Variants in SPAG11A observed in about 807,000 individuals in gnomAD.
SPAG11A encodes the protein sperm-associated antigen 11A.
A neutral mutation model predicts 5.5 loss-of-function variants in SPAG11A; 2 were observed. That is an observed-to-expected ratio of 0.37 (90% confidence interval 0.15 to 1.15). The LOEUF (loss-of-function observed/expected upper bound fraction) is 1.15. Ranked by LOEUF, SPAG11A falls within the 50% of genes most tolerant of loss-of-function variation. The pLI, the probability that SPAG11A is intolerant of heterozygous loss-of-function variation, is 0.38. For synonymous variants in SPAG11A, 11 were observed against 42.7 expected (o/e 0.26, Z 2.90); for missense variants, 24 against 122.5 (o/e 0.20, Z 3.80).
At chr8:7,860,387 G>T (rs749654836) in intron 2 of SPAG11A, 1 of 1,429,798 alleles carries the variant, frequency 7.0e-7, no homozygotes, top group South Asian at 1.4e-5. Context: ...CCTCATTTAA[G>T]ATCTGCGTGG....
chr8:7,860,915 A>G (rs1275378314), exon 3 of SPAG11A: 20 of 1,007,172 alleles, frequency 2.0e-5, no homozygotes, highest in Non-Finnish European at 2.6e-5. Flanking sequence ...GTGTTCAATA[A>G]ATATTTGTTG....
rs184678231 is a variant in SPAG11A at position 7,860,282 on chromosome 8, G to A, written c.215-364G>A. The A allele has an allele frequency of 9.6e-5, 131 of 1,371,728 alleles. 1 individual carries two copies. The highest frequency in any genetic ancestry group is 3.3e-5 in the Non-Finnish European group (34 of 1,019,336). 85.0% of individuals were successfully genotyped at this position (1,371,728 alleles called of 1,614,324 possible). A position where few individuals can be genotyped will look rare whatever the true frequency, so the allele number is the denominator to read the frequency against. ...TGGGTTAATACCTCTAATTTCCTTA[G>A]AGACCAAGACCTGTCCTATTCTGGA... On this transcript the variant is annotated intron_variant, in intron 2 of 2. Coordinates refer to ENST00000642566, the Ensembl canonical transcript of SPAG11A.
At chr8:7,860,064 G>A (rs1459910225) in intron 2 of SPAG11A, among the ~76,000 whole-genome samples, 12 of 150,526 alleles carry the variant, frequency 8.0e-5, no homozygotes, top group Middle Eastern at 3.2e-3. Flanking sequence ...TAAAGTCATC[G>A]TACGTAGCAT....
intron 2 of SPAG11A, among the ~76,000 whole-genome samples, chr8:7,854,784 AAC>A (rs1410986243): frequency 4.0e-5 from 3 of 75,418 alleles, no homozygotes; most frequent in African/African-American, 1.3e-4. Context: ...ACGTTAAAAA[AAC>A]AAATGTGCCA....
chr8:7,852,325 T>G (rs1213173180), intron 2 of SPAG11A, among the ~76,000 whole-genome samples: 1 of 152,282 alleles, frequency 6.6e-6, no homozygotes, highest in African/African-American at 2.4e-5. Context: ...TTTTTCTTTT[T>G]TTTTTGAGAC....
At position 7,860,666 on chromosome 8, in the gene SPAG11A, A is replaced by G. The variant is rs1335215563; in HGVS notation, c.235A>G (p.Arg79Gly). 6 of 1,517,708 alleles carry G rather than the reference A, an allele frequency of 4.0e-6. 1 individual carries two copies. Among genetic ancestry groups the G allele is most frequent in the Non-Finnish European group, 5.3e-6 (6 of 1,129,034 alleles). 94.0% of individuals were successfully genotyped at this position (1,517,708 alleles called of 1,614,324 possible). Reference sequence around the variant, plus strand: ...CATAGGGGATGTTCCACTGGGAATTAGAAATACCATCTGCCGTATGCAGCA... The same window carrying G: ...CATAGGGGATGTTCCACTGGGAATTGGAAATACCATCTGCCGTATGCAGCA... Residue 79 changes from arginine to glycine, a missense_variant, in exon 3 of 3, where the codon AGA becomes GGA. Around this residue, in one of 3 missense-constraint regions of SPAG11A, gnomAD observed 18 missense variants for 26.3 expected, o/e 0.68. Transcript: ENST00000642566.
chr8:7,858,234 G>A lies in SPAG11A; in HGVS notation c.215-2412G>A, dbSNP rs576498905. Among the ~76,000 whole-genome samples, 18 of 112,834 alleles carry A rather than the reference G, an allele frequency of 1.6e-4. 1 individual carries two copies. The highest frequency in any genetic ancestry group is 4.3e-4 in the African/African-American group (16 of 37,554). 74.0% of individuals were successfully genotyped at this position (112,834 alleles called of 152,430 possible). A position where few individuals can be genotyped will look rare whatever the true frequency, so the allele number is the denominator to read the frequency against. On this transcript the variant is annotated intron_variant, in intron 2 of 2. Coordinates refer to ENST00000642566, the Ensembl canonical transcript of SPAG11A. ...GGGAAATAAATCTAAGTGATCCTGG[G>A]ACTAAAATCAAATAGGGGCAAAATG...
Position 7,858,651 on chromosome 8 carries a change from C to G in SPAG11A, c.215-1995C>G, listed in dbSNP as rs1236479314. ...GTACACATCTTCTTGTTTTTCTATT[C>G]TTGTTGTGGTGTGGAAATACATTGT... On this transcript the variant is annotated intron_variant, in intron 2 of 2. Transcript: ENST00000642566. Among the ~76,000 whole-genome samples the G allele has an allele frequency of 8.3e-5, 6 of 72,372 alleles. 1 individual carries two copies. Among genetic ancestry groups the G allele is most frequent in the African/African-American group, 2.1e-4 (6 of 28,580 alleles). The allele number at this position is 72,372 out of a possible 152,430, so 47.5% of individuals were successfully genotyped here. A position where few individuals can be genotyped will look rare whatever the true frequency, so the allele number is the denominator to read the frequency against.
chr8:7,859,905 G>C (rs1305311922), intron 2 of SPAG11A, among the ~76,000 whole-genome samples: 1 of 140,398 alleles, frequency 7.1e-6, no homozygotes, highest in Non-Finnish European at 1.6e-5. Context: ...TCACTTTGCT[G>C]TCTCCTCCAA....
intron 2 of SPAG11A, among the ~76,000 whole-genome samples, chr8:7,852,578 C>T (rs1167255327): frequency 1.4e-5 from 2 of 138,924 alleles, no homozygotes; most frequent in Non-Finnish European, 3.3e-5. Flanking sequence ...GGTGATCTGT[C>T]CGCCTCGGCC....
downstream of SPAG11A, among the ~76,000 whole-genome samples, chr8:7,863,212 G>GGTTTTTTTTTTTT (rs1264249027): frequency 1.1e-4 from 1 of 9,394 alleles, no homozygotes; most frequent in Non-Finnish European, 4.6e-4. Flanking sequence ...CTGCAGATGG[G>GGTTTTTTTTTTTT]ATTTTTTTTT....
At chr8:7,860,119 G>GC (rs1365294489) in intron 2 of SPAG11A, among the ~76,000 whole-genome samples, 2 of 149,142 alleles carry the variant, frequency 1.3e-5, no homozygotes, top group East Asian at 2.1e-4. Context: ...ACCATCTCTT[G>GC]CCCAATGTCC....
At chr8:7,860,129 C>T (rs1313542641) in intron 2 of SPAG11A, among the ~76,000 whole-genome samples, 4 of 148,712 alleles carry the variant, frequency 2.7e-5, no homozygotes, top group Admixed American at 6.7e-5. Context: ...GCCCAATGTC[C>T]TGTTGTTATA....
downstream of SPAG11A, among the ~76,000 whole-genome samples, chr8:7,861,439 C>A (rs939320611): frequency 2.0e-5 from 3 of 146,620 alleles, no homozygotes; most frequent in Non-Finnish European, 4.5e-5. Context: ...CCCAGGCTAG[C>A]AATTCATAAA....
chr8:7,858,386 C>T (rs976971325), intron 2 of SPAG11A, among the ~76,000 whole-genome samples: 23 of 97,520 alleles, frequency 2.4e-4, no homozygotes, highest in African/African-American at 6.6e-4. Flanking sequence ...CTCCCTCCAG[C>T]CCAGGATGAC....
chr8:7,860,401 T>C (rs759425568), intron 2 of SPAG11A: 1 of 1,429,142 alleles, frequency 7.0e-7, no homozygotes, highest in Non-Finnish European at 9.5e-7. Context: ...TGCGTGGGCT[T>C]TTTAGGGCCT....
At chr8:7,852,308 A>T (rs1301898305) in intron 2 of SPAG11A, among the ~76,000 whole-genome samples, 2 of 152,242 alleles carry the variant, frequency 1.3e-5, no homozygotes, top group African/African-American at 4.8e-5. Flanking sequence ...TTACTACTTT[A>T]TTCTCTTTTT....
intron 2 of SPAG11A, among the ~76,000 whole-genome samples, chr8:7,857,806 T>A (rs1222260011): frequency 1.1e-5 from 1 of 89,810 alleles, no homozygotes; most frequent in Admixed American, 1.2e-4. Flanking sequence ...ACCCAGCCCC[T>A]GCCTCTTTGA....
chr8:7,860,226 T>A, intron 2 of SPAG11A: 1 of 907,752 alleles, frequency 1.1e-6, no homozygotes, highest in Admixed American at 3.1e-5. Context: ...TTGTAGGACA[T>A]AAAACTAAAA....
Sources: allele counts gnomAD v4.1 joint callset (sites outside exome capture counted in the v4.1 genomes callset), GRCh38; gene constraint gnomAD v4.1.1; regional missense constraint gnomAD v4.1.1; transcripts MANE v1.5; gene names NCBI Gene and HGNC (gene_info 2026-07-23, HGNC 2026-07-21).